CAMK1D: variants seen among roughly 807,000 people sequenced by gnomAD.
CAMK1D encodes the protein calcium/calmodulin-dependent protein kinase type 1D.
CAMK1D carries 9 observed loss-of-function variants against 47.7 expected under a neutral mutation model. That is an observed-to-expected ratio of 0.19 (90% CI 0.11 to 0.33). The LOEUF (loss-of-function observed/expected upper bound fraction) is 0.33, where lower values mean the gene tolerates loss of function less well. Among genes scored for constraint, CAMK1D ranks in the 10% least tolerant of loss-of-function variants. CAMK1D has a pLI of 1.00. For missense variants in CAMK1D, 291 were observed against 488.7 expected (o/e 0.60, Z 3.81); for synonymous variants, 184 against 184.9 (o/e 0.99, Z 0.04).
chr10:12,560,182 G>T (rs1387541975), intron 2 of CAMK1D, among the ~76,000 whole-genome samples: 1 of 152,120 alleles, frequency 6.6e-6, no homozygotes, highest in Non-Finnish European at 1.5e-5. Context: ...AGGGAGGCTG[G>T]CCCTGTTCAC....
intron 2 of CAMK1D, among the ~76,000 whole-genome samples, chr10:12,583,013 G>A (rs560996787): frequency 1.1e-4 from 17 of 152,156 alleles, no homozygotes; most frequent in South Asian, 2.1e-4. Flanking sequence ...CAAGGCTGGA[G>A]GATCACTTGA....
chr10:12,600,874 G>C (rs1016154739), intron 2 of CAMK1D, among the ~76,000 whole-genome samples: 2 of 152,174 alleles, frequency 1.3e-5, no homozygotes, highest in Non-Finnish European at 2.9e-5. Flanking sequence ...GAGAACATGT[G>C]GTATTTAGCT....
intron 2 of CAMK1D, among the ~76,000 whole-genome samples, chr10:12,586,609 C>T (rs973445018): frequency 6.6e-6 from 1 of 152,042 alleles, no homozygotes; most frequent in Non-Finnish European, 1.5e-5. Flanking sequence ...GACCCACAGC[C>T]CACCTGCAGC....
intron 8 of CAMK1D, among the ~76,000 whole-genome samples, chr10:12,822,967 G>C (rs1052132304): frequency 1.3e-5 from 2 of 152,194 alleles, no homozygotes; most frequent in African/African-American, 2.4e-5. Context: ...TGTGTTTGCA[G>C]CCCTGCTGGG....
chr10:12,366,735 C>G (rs148064192), intron 1 of CAMK1D, among the ~76,000 whole-genome samples: 23 of 151,582 alleles, frequency 1.5e-4, no homozygotes, highest in Non-Finnish European at 2.8e-4. Flanking sequence ...GGTGGCAGAT[C>G]TAGGGAGAGA....
intron 2 of CAMK1D, among the ~76,000 whole-genome samples, chr10:12,646,425 T>C (rs1472499500): frequency 6.6e-6 from 1 of 152,098 alleles, no homozygotes; most frequent in Non-Finnish European, 1.5e-5. Flanking sequence ...TAAAGAAACG[T>C]GGAGAAATAT....
chr10:12,426,755 C>T (rs887972881), intron 1 of CAMK1D, among the ~76,000 whole-genome samples: 1 of 151,628 alleles, frequency 6.6e-6, no homozygotes, highest in Non-Finnish European at 1.5e-5. Flanking sequence ...TGCTCTGTCA[C>T]TCAGGCTGGA....
At chr10:12,440,167 G>A (rs1832744921) in intron 1 of CAMK1D, among the ~76,000 whole-genome samples, 1 of 152,148 alleles carries the variant, frequency 6.6e-6, no homozygotes, top group South Asian at 2.1e-4. Context: ...GGCAGATGTG[G>A]GTTTGGCCTG....
At chr10:12,806,640 G>A (rs1249306713) in intron 6 of CAMK1D, among the ~76,000 whole-genome samples, 2 of 152,204 alleles carry the variant, frequency 1.3e-5, no homozygotes, top group Admixed American at 1.3e-4. Flanking sequence ...CTTCTCCCGA[G>A]CTCCACCCTT....
rs566448387 is a variant in CAMK1D at position 12,543,107 on chromosome 10, G to A, written c.93-10118G>A. Reference sequence around the variant, plus strand: ...CTGTCACCCAGGCTGGAGTGCAGTGGCACGATCTTGGCTCACTGCAACCTC... The same window carrying A: ...CTGTCACCCAGGCTGGAGTGCAGTGACACGATCTTGGCTCACTGCAACCTC... On this transcript the variant is annotated intron_variant, in intron 1 of 10. Transcript: ENST00000619168. Among the ~76,000 whole-genome samples the A allele has an allele frequency of 3.9e-5, 6 of 152,214 alleles. No individual in the cohort carries two copies. The South Asian group carries it at 6.2e-4, about 16-fold the overall frequency.
chr10:12,697,817 G>A (rs533442904), intron 3 of CAMK1D, among the ~76,000 whole-genome samples: 16 of 152,322 alleles, frequency 1.1e-4, no homozygotes, highest in Admixed American at 4.6e-4. Flanking sequence ...TTGGCCGGGC[G>A]TTGCTGAGGG....
At chr10:12,819,606 C>T (rs957214751) in intron 8 of CAMK1D, among the ~76,000 whole-genome samples, 3 of 152,244 alleles carry the variant, frequency 2.0e-5, no homozygotes, top group Non-Finnish European at 4.4e-5. Flanking sequence ...AAAGAAGAAG[C>T]GTTGCACATC....
At chr10:12,580,093 CT>C (rs1837616081) in intron 2 of CAMK1D, among the ~76,000 whole-genome samples, 1 of 152,164 alleles carries the variant, frequency 6.6e-6, no homozygotes, top group South Asian at 2.1e-4. Context: ...GAAAATACTG[CT>C]CTGTGGAACC....
chr10:12,733,960 CTG>C, intron 3 of CAMK1D, among the ~76,000 whole-genome samples: 2 of 152,188 alleles, frequency 1.3e-5, no homozygotes, highest in African/African-American at 4.8e-5. Flanking sequence ...GTCTCCAAGA[CTG>C]TGGATGAAGC....
intron 6 of CAMK1D, among the ~76,000 whole-genome samples, chr10:12,794,811 T>TGATA (rs931295553): frequency 5.9e-5 from 9 of 152,142 alleles, no homozygotes; most frequent in African/African-American, 2.2e-4. Flanking sequence ...CTCCTATGGG[T>TGATA]GATAGGTCAA....
intron 6 of CAMK1D, among the ~76,000 whole-genome samples, chr10:12,793,725 T>C (rs1838079036): frequency 6.6e-6 from 1 of 152,120 alleles, no homozygotes; most frequent in Non-Finnish European, 1.5e-5. Flanking sequence ...GCAAACAGGA[T>C]CATCATGGTT....
intron 6 of CAMK1D, among the ~76,000 whole-genome samples, chr10:12,798,282 C>T (rs914325): frequency 0.37 from 55,702 of 152,136 alleles, 10,470 homozygotes; most frequent in East Asian, 0.53. Flanking sequence ...AGGCAGGGGA[C>T]TGACATCCAT....
intron 2 of CAMK1D, among the ~76,000 whole-genome samples, chr10:12,605,322 G>A (rs980499103): frequency 1.3e-4 from 18 of 137,138 alleles, no homozygotes; most frequent in Non-Finnish European, 4.8e-5. Context: ...TGTGATGGTG[G>A]ATAGAAACCA....
At chr10:12,447,559 G>A (rs1045970680) in intron 1 of CAMK1D, among the ~76,000 whole-genome samples, 2 of 152,176 alleles carry the variant, frequency 1.3e-5, no homozygotes, top group Non-Finnish European at 2.9e-5. Context: ...GAAATTAGCT[G>A]AGTGTAGTTG....
Sources: allele counts gnomAD v4.1 joint callset (sites outside exome capture counted in the v4.1 genomes callset), GRCh38; gene constraint gnomAD v4.1.1; transcripts MANE v1.5; gene names NCBI Gene and HGNC (gene_info 2026-07-23, HGNC 2026-07-21).